PCDH15: variants seen among roughly 807,000 people sequenced by gnomAD.
The protein encoded by PCDH15 is protocadherin related 15.
PCDH15 carries 129 observed loss-of-function variants against 178.5 expected under a neutral mutation model. The observed-to-expected ratio is 0.72, with a 90% CI of 0.63 to 0.84. The LOEUF (loss-of-function observed/expected upper bound fraction) is 0.84, where lower values mean the gene tolerates loss of function less well. PCDH15 is among the 40% of genes least tolerant of loss of function. The probability of loss-of-function intolerance (pLI) is 0.00; values close to 1 mark genes in which losing one functional copy is unlikely to be tolerated. For synonymous variants in PCDH15, 800 were observed against 732.0 expected (o/e 1.09, Z -1.50); for missense variants, 2,230 against 2,099.9 (o/e 1.06, Z -1.21).
At chr10:54,763,762 A>G (rs1948177909) in intron 1 of PCDH15, among the ~76,000 whole-genome samples, 1 of 147,724 alleles carries the variant, frequency 6.8e-6, no homozygotes, top group Non-Finnish European at 1.5e-5. Flanking sequence ...AAATATATAT[A>G]TATATAGTAT....
intron 2 of PCDH15, among the ~76,000 whole-genome samples, chr10:55,430,000 G>A (rs1838845487): frequency 6.6e-6 from 1 of 151,870 alleles, no homozygotes; most frequent in Middle Eastern, 3.4e-3. Flanking sequence ...TTAATTTCTT[G>A]GCATACTTTT....
chr10:55,277,566 T>A (rs1271036865), intron 1 of PCDH15, among the ~76,000 whole-genome samples: 1 of 152,098 alleles, frequency 6.6e-6, no homozygotes, highest in East Asian at 1.9e-4. Context: ...TAATTCACCC[T>A]GCTTTCCTGG....
intron 2 of PCDH15, among the ~76,000 whole-genome samples, chr10:55,096,568 G>T (rs1842454520): frequency 6.6e-6 from 1 of 152,186 alleles, no homozygotes; most frequent in Non-Finnish European, 1.5e-5. Context: ...TCATCCTGCT[G>T]CATATTAGGT....
chr10:54,544,885 T>C (rs1219706746), intron 2 of PCDH15, among the ~76,000 whole-genome samples: 1 of 152,208 alleles, frequency 6.6e-6, no homozygotes, highest in Non-Finnish European at 1.5e-5. Context: ...ATTGTTATTC[T>C]GTTGTTAGAC....
Position 54,606,537 on chromosome 10 carries a change from A to G in PCDH15, c.91+57635T>C, listed in dbSNP as rs374772748. The G allele has an allele frequency of 3.9e-4, 59 of 152,226 alleles. 1 individual carries two copies. The highest frequency in any genetic ancestry group is 1.4e-3 in the African/African-American group (58 of 41,562). The allele number at this position is 152,226 out of a possible 1,614,324, so 9.4% of individuals were successfully genotyped here. ...TCCTTCTTGCTATCAGAAAGAGAGA[A>G]GGAAACTAAATAAAACAAAATAAAA... On this transcript the variant is annotated intron_variant, in intron 2 of 37. Coordinates refer to ENST00000644397, the MANE Select transcript of PCDH15 (RefSeq NM_001384140.1).
chr10:53,888,703 A>ATATATAT (rs2081351421), intron 26 of PCDH15, among the ~76,000 whole-genome samples: 1 of 21,082 alleles, frequency 4.7e-5, no homozygotes, highest in Non-Finnish European at 1.3e-4. Flanking sequence ...ATATATATAT[A>ATATATAT]TCTCCTGTGG....
chr10:55,142,543 G>T (rs1838382111), intron 2 of PCDH15, among the ~76,000 whole-genome samples: 1 of 107,274 alleles, frequency 9.3e-6, no homozygotes, highest in South Asian at 3.6e-4. Flanking sequence ...TAATTGTAAT[G>T]ATACAATTTT....
intron 1 of PCDH15, among the ~76,000 whole-genome samples, chr10:54,676,337 A>C (rs1349494124): frequency 6.6e-6 from 1 of 151,994 alleles, no homozygotes; most frequent in African/African-American, 2.4e-5. Flanking sequence ...CTTTTCTCAA[A>C]TTTCATCCCT....
intron 2 of PCDH15, among the ~76,000 whole-genome samples, chr10:55,361,129 A>C (rs1845218202): frequency 6.6e-6 from 1 of 151,988 alleles, no homozygotes; most frequent in South Asian, 2.1e-4. Context: ...CATTAATATA[A>C]AGTTCAAAAA....
chr10:55,627,465 A>G (rs1837555898), intron 2 of PCDH15, among the ~76,000 whole-genome samples: 1 of 152,098 alleles, frequency 6.6e-6, no homozygotes, highest in South Asian at 2.1e-4. Flanking sequence ...AGGTACTTCC[A>G]CCTTGTGAGG....
rs1167292652 is a variant in PCDH15, at chr10:55,111,074, T to C, written c.-80+55502A>G. Among the ~76,000 whole-genome samples, 4 of 152,166 alleles carry C rather than the reference T, an allele frequency of 2.6e-5. No individual in the cohort carries two copies. The East Asian group carries it at 7.7e-4, about 29-fold the overall frequency. On this transcript the variant is annotated intron_variant, in intron 2 of 5. Transcript: ENST00000458638. ...TGTCAAACATAGTCTATTTCTGAAA[T>C]GACTATGAAATAAAAACCTCTTCTT...
At chr10:54,179,361 T>C (rs1462168659) in intron 13 of PCDH15, among the ~76,000 whole-genome samples, 2 of 139,520 alleles carry the variant, frequency 1.4e-5, no homozygotes, top group Admixed American at 8.1e-5. Flanking sequence ...TAGGTGGGAA[T>C]TGAACAATGA....
chr10:55,054,388 T>C (rs938663280), intron 2 of PCDH15, among the ~76,000 whole-genome samples: 21 of 152,200 alleles, frequency 1.4e-4, no homozygotes, highest in African/African-American at 4.1e-4. Context: ...TAGTACTCCA[T>C]AGTGTATATG....
chr10:55,219,300 T>C (rs2132181366), intron 1 of PCDH15, among the ~76,000 whole-genome samples: 1 of 152,090 alleles, frequency 6.6e-6, no homozygotes, highest in South Asian at 2.1e-4. Context: ...TCTAGTATAA[T>C]TACTGATTGT....
At chr10:54,876,763 A>C (rs118047572) in intron 3 of PCDH15, among the ~76,000 whole-genome samples, 1 of 152,330 alleles carries the variant, frequency 6.6e-6, no homozygotes, top group East Asian at 1.9e-4. Flanking sequence ...ATGAACAAAG[A>C]AAGTAGTTTC....
intron 5 of PCDH15, among the ~76,000 whole-genome samples, chr10:54,353,895 A>G (rs963833765): frequency 2.6e-5 from 4 of 152,232 alleles, no homozygotes; most frequent in African/African-American, 9.6e-5. Flanking sequence ...TTACTGTTAC[A>G]GAGAATGATA....
chr10:54,260,674 C>T (rs750369452), intron 8 of PCDH15, among the ~76,000 whole-genome samples: 9 of 151,940 alleles, frequency 5.9e-5, no homozygotes, highest in Non-Finnish European at 8.8e-5. Flanking sequence ...TCCACCTCCC[C>T]GGTTCAAGCG....
At chr10:54,839,227 ATAATTACTTT>A (rs1283596604) in intron 3 of PCDH15, among the ~76,000 whole-genome samples, 1 of 152,170 alleles carries the variant, frequency 6.6e-6, no homozygotes, top group Non-Finnish European at 1.5e-5. Flanking sequence ...AGAGTTCCAA[ATAATTACTTT>A]AAGGACACAG....
At chr10:54,571,935 A>G (rs990150831) in intron 2 of PCDH15, among the ~76,000 whole-genome samples, 1 of 152,126 alleles carries the variant, frequency 6.6e-6, no homozygotes, top group Non-Finnish European at 1.5e-5. Flanking sequence ...TGAGTTGAAG[A>G]ACAGTGGTTA....
Sources: allele counts gnomAD v4.1 joint callset (sites outside exome capture counted in the v4.1 genomes callset), GRCh38; gene constraint gnomAD v4.1.1; transcripts MANE v1.5; gene names NCBI Gene and HGNC (gene_info 2026-07-23, HGNC 2026-07-21).